The following CHEK1 variants were observed in gnomAD, a reference collection of about 807,000 sequenced individuals.
CHEK1 encodes serine/threonine-protein kinase Chk1.
In CHEK1, 32 loss-of-function variants were observed where a neutral mutation model predicts 60.2. The ratio of observed to expected loss-of-function variants is 0.53; its 90% confidence interval spans 0.40 to 0.71. The LOEUF (loss-of-function observed/expected upper bound fraction) is 0.71, where lower values mean the gene tolerates loss of function less well. Ranked by LOEUF, CHEK1 falls within the 30% of genes least tolerant of loss-of-function variation. CHEK1 has a pLI of 0.00. For missense variants in CHEK1, 399 were observed against 564.6 expected (o/e 0.71, Z 2.97); for synonymous variants, 179 against 187.2 (o/e 0.96, Z 0.36).
At position 125,625,605 on chromosome 11, in the gene CHEK1, C is replaced by T; in HGVS notation, c.-428C>T. ...CTTTCAGGCCCAGAGCGGCCAGGAG[C>T]GAAGCCCGCAGCCCCGCCTGGAAGC... On this transcript the variant is annotated 5_prime_UTR_variant, in exon 1 of 13. Coordinates refer to ENST00000438015, the MANE Select transcript of CHEK1 (RefSeq NM_001114122.3). 1.7e-6 allele frequency: 1 copy of T among 595,528 alleles called. No homozygotes were observed. The highest frequency in any genetic ancestry group is 3.0e-6 in the Non-Finnish European group (1 of 333,532). 36.9% of individuals were successfully genotyped at this position (595,528 alleles called of 1,614,324 possible). A position where few individuals can be genotyped will look rare whatever the true frequency, so the allele number is the denominator to read the frequency against.
chr11:125,655,853 G>A lies in CHEK1; in HGVS notation c.*533G>A, dbSNP rs1176460827. 1 of 211,492 alleles carries A rather than the reference G, an allele frequency of 4.7e-6. No individual in the cohort carries two copies. 13.1% of individuals were successfully genotyped at this position (211,492 alleles called of 1,614,324 possible). A position where few individuals can be genotyped will look rare whatever the true frequency, so the allele number is the denominator to read the frequency against. ...AGGGCCTGGCCAGTTATATAAACCT[G>A]TTTTTGAATTATAATGATTAATTAA... On this transcript the variant is annotated 3_prime_UTR_variant, in exon 13 of 13. Coordinates refer to ENST00000438015, the MANE Select transcript of CHEK1 (RefSeq NM_001114122.3).
intron 8 of CHEK1, among the ~76,000 whole-genome samples, chr11:125,637,745 TTTG>T (rs1293898161): frequency 6.6e-6 from 1 of 152,198 alleles, no homozygotes; most frequent in African/African-American, 2.4e-5. Flanking sequence ...TAGCTAAGTG[TTTG>T]ACCAAGTCTA....
downstream of CHEK1, among the ~76,000 whole-genome samples, chr11:125,658,039 T>A (rs1196997802): frequency 6.6e-6 from 1 of 152,148 alleles, no homozygotes; most frequent in Non-Finnish European, 1.5e-5. Flanking sequence ...GTTGGTGTGG[T>A]CAGTATAAGT....
At chr11:125,677,650 C>A (rs113526100), downstream of CHEK1, 731 of 1,117,084 alleles carry the variant, frequency 6.5e-4, 3 homozygotes, top group African/African-American at 9.4e-3. Flanking sequence ...ATGATTGTGA[C>A]GAGAACTAGA....
At chr11:125,676,358 C>T (rs760196924), downstream of CHEK1, 5 of 1,614,008 alleles carry the variant, frequency 3.1e-6, no homozygotes, top group Non-Finnish European at 4.2e-6. Flanking sequence ...TCCCCATATA[C>T]CTTCAAAGAT....
intron 13 of CHEK1, among the ~76,000 whole-genome samples, chr11:125,670,845 C>CT (rs1208295814): frequency 2.0e-5 from 3 of 151,944 alleles, no homozygotes; most frequent in Admixed American, 6.6e-5. Context: ...GCTTTCAAAT[C>CT]TTTTTTTTAT....
chr11:125,643,166 C>T (rs1188644526), intron 8 of CHEK1: 1 of 152,070 alleles, frequency 6.6e-6, no homozygotes, highest in Non-Finnish European at 1.5e-5. Context: ...TGTTCTGTTA[C>T]CCATAAAAGA....
At chr11:125,662,053 C>T (rs1942027928), downstream of CHEK1, among the ~76,000 whole-genome samples, 1 of 152,212 alleles carries the variant, frequency 6.6e-6, no homozygotes, top group Non-Finnish European at 1.5e-5. Flanking sequence ...TTTCCTCCCA[C>T]TTCTGGCAAC....
At chr11:125,651,704 C>T (rs1231998575) in intron 11 of CHEK1, among the ~76,000 whole-genome samples, 1 of 152,098 alleles carries the variant, frequency 6.6e-6, no homozygotes, top group Non-Finnish European at 1.5e-5. Flanking sequence ...CTGTTATTTT[C>T]AAGGCTGCTA....
At chr11:125,640,183 C>A (rs1941230095) in intron 8 of CHEK1, among the ~76,000 whole-genome samples, 2 of 152,186 alleles carry the variant, frequency 1.3e-5, no homozygotes, top group African/African-American at 2.4e-5. Flanking sequence ...ATGTAATAGT[C>A]CACTGTGGTC....
chr11:125,633,510 C>G (rs941094100), intron 6 of CHEK1, among the ~76,000 whole-genome samples, 159 bp downstream of exon 6: 1 of 151,962 alleles, frequency 6.6e-6, no homozygotes, highest in Non-Finnish European at 1.5e-5. Flanking sequence ...GTACAGTGAG[C>G]TGTTATAGCT....
chr11:125,643,944 C>T, intron 9 of CHEK1, 44 bp downstream of exon 9: 1 of 1,545,186 alleles, frequency 6.5e-7, no homozygotes, highest in Non-Finnish European at 8.9e-7. Context: ...GTAGTATTCC[C>T]CATGAAGAAT....
chr11:125,651,286 CTTTTT>C (rs59057522), intron 11 of CHEK1, among the ~76,000 whole-genome samples: 2 of 128,158 alleles, frequency 1.6e-5, no homozygotes, highest in Non-Finnish European at 1.6e-5. Flanking sequence ...AGACAAGCCT[CTTTTT>C]TTTTTTTTTT....
At chr11:125,641,638 A>G (rs1040579034) in intron 8 of CHEK1, among the ~76,000 whole-genome samples, 1 of 152,022 alleles carries the variant, frequency 6.6e-6, no homozygotes, top group Non-Finnish European at 1.5e-5. Flanking sequence ...AGTCTTTCCC[A>G]TGTTGGTTAA....
chr11:125,655,376 A>G lies in CHEK1; in HGVS notation c.*56A>G. 1 of 1,256,408 alleles carries G rather than the reference A, an allele frequency of 8.0e-7. No homozygotes were observed. The allele number at this position is 1,256,408 out of a possible 1,614,324, so 77.8% of individuals were successfully genotyped here. A position where few individuals can be genotyped will look rare whatever the true frequency, so the allele number is the denominator to read the frequency against. ...AATATAGTGCTGCTATGTTGACATT[A>G]TTCTTCCTAGAGAAGATTATCCTGT... On this transcript the variant is annotated 3_prime_UTR_variant, in exon 13 of 13. Transcript: ENST00000438015.
chr11:125,672,492 G>T, intron 13 of CHEK1: 1 of 1,374,196 alleles, frequency 7.3e-7, no homozygotes, highest in Non-Finnish European at 1.0e-6. Flanking sequence ...AGGCAGATGT[G>T]GTCAGTTGTT....
Position 125,655,215 on chromosome 11 carries a change from T to C in CHEK1, c.1336-10T>C. On this transcript the variant is annotated splice_polypyrimidine_tract_variant and intron_variant, in intron 12 of 12. Transcript: ENST00000438015. ...TTTGACATAATTTTTTAATACTATT[T>C]CTAATATAGGGTGATGGATTGGAGT... The C allele has an allele frequency of 6.3e-7, 1 of 1,596,910 alleles. No individual in the cohort carries two copies. The highest frequency in any genetic ancestry group is 1.7e-5 in the Admixed American group (1 of 58,008).
chr11:125,626,160 G>T (rs1940588304), intron 1 of CHEK1, 148 bp downstream of exon 1: 1 of 609,746 alleles, frequency 1.6e-6, no homozygotes. Flanking sequence ...GTTTCGGAGG[G>T]TGGAGGAATG....
At chr11:125,644,733 AGG>A in intron 11 of CHEK1, 90 bp downstream of exon 11, 1 of 1,411,774 alleles carries the variant, frequency 7.1e-7, no homozygotes, top group Non-Finnish European at 9.6e-7. Context: ...TTTTAAATAT[AGG>A]CTGTGGCTCA....
Sources: gnomAD v4.1 joint callset for allele counts (sites outside exome capture counted in the v4.1 genomes callset) on GRCh38, gnomAD v4.1.1 for gene constraint, MANE v1.5 for transcripts, NCBI Gene and HGNC (gene_info 2026-07-23, HGNC 2026-07-21) for gene names.